The following ZCWPW2 variants were observed in gnomAD, a reference collection of about 807,000 sequenced individuals.
The protein encoded by ZCWPW2 is zinc finger CW-type PWWP domain protein 2.
ZCWPW2 carries 45 observed loss-of-function variants against 46.6 expected under a neutral mutation model. That is an observed-to-expected ratio of 0.96 (90% CI 0.76 to 1.24). The LOEUF (loss-of-function observed/expected upper bound fraction) is 1.24. Ranked by LOEUF, ZCWPW2 falls within the 50% of genes most tolerant of loss-of-function variation. The pLI is 0.00. For synonymous variants in ZCWPW2, 152 were observed against 137.1 expected, an observed-to-expected ratio of 1.11 and a Z score of -0.76; for missense variants, 429 against 403.9, an observed-to-expected ratio of 1.06 and a Z score of -0.53.
chr3:28,362,530 C>A (rs1314369664), intron 1 of ZCWPW2, among the ~76,000 whole-genome samples: 1 of 152,138 alleles, frequency 6.6e-6, no homozygotes, highest in Non-Finnish European at 1.5e-5. Flanking sequence ...GAGATACAAT[C>A]TCCCACCAGT....
At chr3:28,476,666 G>A (rs1262289744) in intron 4 of ZCWPW2, among the ~76,000 whole-genome samples, 9 of 152,082 alleles carry the variant, frequency 5.9e-5, no homozygotes, top group Admixed American at 5.9e-4. Context: ...TACATTTATT[G>A]TGCACTTTAT....
Position 28,348,841 on chromosome 3 carries a change from G to A in ZCWPW2, c.-496G>A. On this transcript the variant is annotated 5_prime_UTR_variant, in exon 1 of 10. Transcript: ENST00000383768. ...TGGAAGGAGGGACGAGCCGAGGCAG[G>A]AGGGGCCGGGCCGACGCGAGAGAAG... 1 of 583,860 alleles carries A rather than the reference G, an allele frequency of 1.7e-6. No homozygotes were observed. Among genetic ancestry groups the A allele is most frequent in the Non-Finnish European group, 2.2e-6 (1 of 462,864 alleles). The allele number at this position is 583,860 out of a possible 1,614,324, so 36.2% of individuals were successfully genotyped here.
At chr3:28,474,804 TTTG>T (rs139673277) in intron 4 of ZCWPW2, among the ~76,000 whole-genome samples, 37,098 of 148,712 alleles carry the variant, frequency 0.25, 4,751 homozygotes, top group East Asian at 0.35. Flanking sequence ...GTCTGAACTA[TTTG>T]TTGTTGTTGT....
In ZCWPW2 at chr3:28,521,105, A is replaced by G. The variant is rs754152258; in HGVS notation, c.898A>G (p.Met300Val). ...AGAAGGACATGGAGAGGAAATAAAT[A>G]TGGGAGAAAAGGTAATATTGATAGT... ...SEEGHGEEIN[M>V]GEKLSKCSPE... The change falls in exon 9 of 10, where the codon ATG becomes GTG. Residue 300 changes from methionine (M) to valine (V), a missense_variant. Physicochemically the swap from Met to Val is conservative, Grantham distance 21 (BLOSUM62 1). Coordinates refer to ENST00000383768, the MANE Select transcript of ZCWPW2 (RefSeq NM_001040432.4). 7.5e-6 allele frequency: 12 copies of G among 1,602,852 alleles called. No homozygotes were observed. In the Admixed American group the frequency reaches 2.1e-4, roughly 28 times the overall value.
At chr3:28,455,019 C>T (rs1698371359) in intron 4 of ZCWPW2, among the ~76,000 whole-genome samples, 1 of 152,164 alleles carries the variant, frequency 6.6e-6, no homozygotes, top group Non-Finnish European at 1.5e-5. Flanking sequence ...ATTGCTAGGT[C>T]TAATGGTATT....
chr3:28,413,134 A>C lies in ZCWPW2; in HGVS notation c.66A>C (p.Glu22Asp). The C allele has an allele frequency of 3.1e-6, 5 of 1,613,172 alleles. No individual in the cohort carries two copies. The highest frequency in any genetic ancestry group is 3.4e-6 in the Non-Finnish European group (4 of 1,179,432). ...ACTATGCAATGGATTCCTCAGTGGA[A>C]AACATGTATGTAAACAAAGTGTGGG... ...YCNYAMDSSVENMYVNKVWVQ... is the reference protein window; with the variant it reads ...YCNYAMDSSVDNMYVNKVWVQ... The change falls in exon 3 of 10, where the codon GAA (glutamate) becomes GAC (aspartate). Residue 22 changes from glutamate (E) to aspartate (D), a missense_variant. Coordinates refer to ENST00000383768, the MANE Select transcript of ZCWPW2 (RefSeq NM_001040432.4).
chr3:28,498,746 C>T (rs2125822588), intron 6 of ZCWPW2, among the ~76,000 whole-genome samples: 1 of 151,864 alleles, frequency 6.6e-6, no homozygotes, highest in East Asian at 1.9e-4. Flanking sequence ...GTTTGCTGCA[C>T]CCATCAACCC....
At chr3:28,417,044 C>G (rs199979871) in intron 3 of ZCWPW2, among the ~76,000 whole-genome samples, 3,869 of 146,280 alleles carry the variant, frequency 0.026, 71 homozygotes, top group Non-Finnish European at 0.041. Flanking sequence ...ATGAGTTAGG[C>G]AGGATTCCCT....
chr3:28,503,274 A>G (rs561070416), intron 6 of ZCWPW2, among the ~76,000 whole-genome samples: 109 of 152,316 alleles, frequency 7.2e-4, no homozygotes, highest in African/African-American at 2.3e-3. Flanking sequence ...AATGGTGAAC[A>G]GCTGCCAGAT....
chr3:28,472,521 T>A (rs1559518864), intron 4 of ZCWPW2, among the ~76,000 whole-genome samples: 1 of 152,142 alleles, frequency 6.6e-6, no homozygotes, highest in East Asian at 1.9e-4. Context: ...GATATCCATA[T>A]GCAGAAGAAA....
chr3:28,383,758 C>G (rs1005842525), intron 1 of ZCWPW2, among the ~76,000 whole-genome samples: 1 of 151,978 alleles, frequency 6.6e-6, no homozygotes, highest in African/African-American at 2.4e-5. Context: ...GAACCTAAAC[C>G]AAAGTACTCT....
chr3:28,410,650 G>A (rs1371577578), intron 2 of ZCWPW2, among the ~76,000 whole-genome samples: 1 of 151,806 alleles, frequency 6.6e-6, no homozygotes, highest in East Asian at 1.9e-4. Flanking sequence ...AAATAATAAA[G>A]CAATACTGAG....
intron 2 of ZCWPW2, among the ~76,000 whole-genome samples, chr3:28,402,232 G>T (rs1559490054): frequency 6.6e-6 from 1 of 151,990 alleles, no homozygotes; most frequent in Non-Finnish European, 1.5e-5. Flanking sequence ...AATATGAAAT[G>T]ACATGGGAGA....
In ZCWPW2 at chr3:28,352,167, C is replaced by CACAT. The variant is rs143184926; in HGVS notation, c.-134+2964_-134+2965insACAT. 2.7e-5 allele frequency among the ~76,000 whole-genome samples: 4 copies of CACAT among 147,720 alleles called. No homozygotes were observed. In the East Asian group the frequency reaches 7.9e-4, roughly 29 times the overall value. ...ACACACACACACACACACACACACACGAGAGAGAATTATGTATGCCTTGCA... is the reference window on the plus strand; with the variant it reads ...ACACACACACACACACACACACACACACATGAGAGAGAATTATGTATGCCTTGCA... On this transcript the variant is annotated intron_variant, in intron 1 of 9. Transcript: ENST00000383768.
At chr3:28,368,246 G>A (rs1705194260) in intron 1 of ZCWPW2, among the ~76,000 whole-genome samples, 4 of 152,042 alleles carry the variant, frequency 2.6e-5, no homozygotes, top group Non-Finnish European at 4.4e-5. Flanking sequence ...AGCCTCGATG[G>A]TCTTTACAAT....
intron 4 of ZCWPW2, among the ~76,000 whole-genome samples, chr3:28,445,570 G>T (rs1697957055): frequency 6.6e-6 from 1 of 151,834 alleles, no homozygotes; most frequent in Admixed American, 6.6e-5. Flanking sequence ...AATGAGAGAG[G>T]AATTTAAATG....
At chr3:28,358,920 A>G (rs1405822016) in intron 1 of ZCWPW2, among the ~76,000 whole-genome samples, 1 of 152,084 alleles carries the variant, frequency 6.6e-6, no homozygotes, top group Non-Finnish European at 1.5e-5. Context: ...TAATTTATTT[A>G]TTGTCTGAAG....
At chr3:28,427,464 A>T (rs780929208) in intron 3 of ZCWPW2, among the ~76,000 whole-genome samples, 1 of 152,140 alleles carries the variant, frequency 6.6e-6, no homozygotes, top group Non-Finnish European at 1.5e-5. Flanking sequence ...GAGTCAGAGA[A>T]TTTCCCTCTG....
intron 1 of ZCWPW2, among the ~76,000 whole-genome samples, chr3:28,360,201 C>T (rs1429972323): frequency 6.6e-6 from 1 of 151,782 alleles, no homozygotes; most frequent in East Asian, 1.9e-4. Flanking sequence ...AGTATTACTT[C>T]CTCCAGAAGA....
Sources: gnomAD v4.1 joint callset for allele counts (sites outside exome capture counted in the v4.1 genomes callset) on GRCh38, gnomAD v4.1.1 for gene constraint, MANE v1.5 for transcripts, NCBI Gene and HGNC (gene_info 2026-07-23, HGNC 2026-07-21) for gene names.